Variants in TM6SF1 observed in about 807,000 individuals in gnomAD.
TM6SF1 encodes transmembrane 6 superfamily member 1.
A neutral mutation model predicts 47.1 loss-of-function variants in TM6SF1; 43 were observed. The ratio of observed to expected loss-of-function variants is 0.91; its 90% CI spans 0.72 to 1.18. TM6SF1 has a LOEUF of 1.18. TM6SF1 is among the 50% of genes most tolerant of loss of function. The pLI, the probability that TM6SF1 is intolerant of heterozygous loss-of-function variation, is 0.00. For synonymous variants in TM6SF1, 177 were observed against 166.3 expected (o/e 1.06, Z -0.49); for missense variants, 390 against 449.0 (o/e 0.87, Z 1.19).
intron 9 of TM6SF1, chr15:83,129,658 A>T (rs1388725763): frequency 2.0e-5 from 3 of 152,230 alleles, no homozygotes; most frequent in Admixed American, 2.0e-4. Context: ...GCAAACAATG[A>T]ACTATGGCAC....
At chr15:83,133,005 C>G (rs2036357791) in intron 9 of TM6SF1, 1 of 152,214 alleles carries the variant, frequency 6.6e-6, no homozygotes, top group African/African-American at 2.4e-5. Context: ...CAGTTTTGTA[C>G]TTGTGTCTAC....
Position 83,124,677 on chromosome 15 carries a change from TC to T in TM6SF1, c.610del (p.Gln204LysfsTer9), listed in dbSNP as rs779285038. 1.9e-6 allele frequency: 3 copies of T among 1,613,902 alleles called. No homozygotes were observed. Among genetic ancestry groups the T allele is most frequent in the Non-Finnish European group, 2.5e-6 (3 of 1,179,872 alleles). ...ENYNYPSKVI[Q>X]EAQAKDLLRR... ...AGGTACAAACTCTATTTTAGGTTAT[TC>T]AAGAAGCCCAAGCGAAAGACCTGCT... On this transcript the variant is annotated frameshift_variant, in exon 7 of 10. Coordinates refer to ENST00000322019, the MANE Select transcript of TM6SF1 (RefSeq NM_023003.5). LOFTEE classifies it high-confidence loss of function.
At chr15:83,135,015 G>T (rs1232715189) in intron 9 of TM6SF1, 1 of 152,182 alleles carries the variant, frequency 6.6e-6, no homozygotes, top group African/African-American at 2.4e-5. Context: ...TCTACCCAGG[G>T]GAGTTGTATC....
Position 83,122,006 on chromosome 15 carries a change from A to T in TM6SF1, c.481+3A>T. The T allele has an allele frequency of 6.2e-7, 1 of 1,605,818 alleles. No individual in the cohort carries two copies. The highest frequency in any genetic ancestry group is 8.5e-7 in the Non-Finnish European group (1 of 1,175,932). ...TTTTGTGCCAGGAAACATTGTAGGT[A>T]AGAAACTTTATCTTAAAGTTCACTT... On this transcript the variant is annotated splice_donor_region_variant and intron_variant, in intron 5 of 9. Coordinates refer to ENST00000322019, the MANE Select transcript of TM6SF1 (RefSeq NM_023003.5).
chr15:83,130,380 GC>G (rs1461230952), intron 9 of TM6SF1: 2 of 152,372 alleles, frequency 1.3e-5, no homozygotes, highest in Non-Finnish European at 2.9e-5. Flanking sequence ...CTACAGAGCA[GC>G]TGGCAGCCGC....
At chr15:83,126,238 G>A (rs1180184132) in intron 7 of TM6SF1, among the ~76,000 whole-genome samples, 1 of 152,136 alleles carries the variant, frequency 6.6e-6, no homozygotes, top group Non-Finnish European at 1.5e-5. Flanking sequence ...GTGACTCAGA[G>A]GGGACCTAGT....
chr15:83,109,852 C>A (rs2151330854), intron 1 of TM6SF1, among the ~76,000 whole-genome samples: 1 of 152,312 alleles, frequency 6.6e-6, no homozygotes, highest in South Asian at 2.1e-4. Flanking sequence ...GGGATGCTGC[C>A]TTCCTCCTAT....
chr15:83,127,772 T>G (rs2035899204), intron 9 of TM6SF1: 4 of 320,498 alleles, frequency 1.2e-5, no homozygotes, highest in African/African-American at 6.7e-5. Flanking sequence ...GTTGTTTTAT[T>G]GGACTGTTTC....
intron 7 of TM6SF1, 149 bp from the exon 8 acceptor site, chr15:83,126,606 T>C: frequency 5.0e-6 from 3 of 603,426 alleles, no homozygotes; most frequent in Non-Finnish European, 8.6e-6. Context: ...ATCTGCAAAA[T>C]ATTTCCATCA....
At chr15:83,127,572 G>C in intron 9 of TM6SF1, 95 bp downstream of exon 9, 1 of 1,381,160 alleles carries the variant, frequency 7.2e-7, no homozygotes, top group Non-Finnish European at 1.0e-6. Flanking sequence ...TTTAGACTAG[G>C]AGATAGCTAT....
rs144664208 is a variant in TM6SF1 at position 83,126,155 on chromosome 15, G to A, written c.709-600G>A. On this transcript the variant is annotated intron_variant, in intron 7 of 9. Coordinates refer to ENST00000322019, the MANE Select transcript of TM6SF1 (RefSeq NM_023003.5). Reference sequence around the variant, plus strand: ...TTTACCAACTCTGTCATTGGCCTGTGTTCATATATGCCATCTAGGTGGGAC... The same window carrying A: ...TTTACCAACTCTGTCATTGGCCTGTATTCATATATGCCATCTAGGTGGGAC... Among the ~76,000 whole-genome samples the A allele has an allele frequency of 7.9e-5, 12 of 152,242 alleles. No individual in the cohort carries two copies. The East Asian group carries it at 2.1e-3, about 27-fold the overall frequency.
At chr15:83,129,887 G>A (rs778376500) in intron 9 of TM6SF1, 1 of 152,232 alleles carries the variant, frequency 6.6e-6, no homozygotes, top group Non-Finnish European at 1.5e-5. Context: ...TGGTTCCTCT[G>A]CCTTATTCTC....
At chr15:83,136,451 T>C in intron 9 of TM6SF1, 30 bp from the exon 10 acceptor site, 3 of 1,546,276 alleles carry the variant, frequency 1.9e-6, no homozygotes, top group Non-Finnish European at 2.6e-6. Flanking sequence ...GTTTCATGCT[T>C]ACTCAATTTT....
chr15:83,109,101 T>G (rs2151329711), intron 1 of TM6SF1, among the ~76,000 whole-genome samples: 1 of 152,276 alleles, frequency 6.6e-6, no homozygotes, highest in East Asian at 1.9e-4. Flanking sequence ...AGGCAGGTAA[T>G]GAGATAGACA....
intron 5 of TM6SF1, 110 bp downstream of exon 5, chr15:83,122,113 T>C: frequency 3.4e-6 from 3 of 890,174 alleles, no homozygotes; most frequent in South Asian, 1.6e-5. Flanking sequence ...CCAAGCTTAC[T>C]AAAAACCTGT....
At chr15:83,122,085 T>A in intron 5 of TM6SF1, 82 bp downstream of exon 5, 1 of 1,097,018 alleles carries the variant, frequency 9.1e-7, no homozygotes, top group Non-Finnish European at 1.4e-6. Flanking sequence ...CTTTTAGTTA[T>A]AATAGAACCA....
At chr15:83,126,221 G>A (rs1432098091) in intron 7 of TM6SF1, among the ~76,000 whole-genome samples, 1 of 152,168 alleles carries the variant, frequency 6.6e-6, no homozygotes, top group Non-Finnish European at 1.5e-5. Flanking sequence ...TGCCTGAGGG[G>A]AGGAAGGTGA....
chr15:83,108,192 ATAC>A (rs2033839596), intron 1 of TM6SF1, among the ~76,000 whole-genome samples: 1 of 152,122 alleles, frequency 6.6e-6, no homozygotes. Context: ...GGACTTTCGC[ATAC>A]TTATCATTTC....
rs182897766 is a variant in TM6SF1, at chr15:83,126,959, G to A, written c.801+112G>A. On this transcript the variant is annotated intron_variant, in intron 8 of 9. Transcript: ENST00000322019. ...TGTAATCCCAGCACTTTGGGAGGCC[G>A]AGGCAGGTTGATCACGAGGTCAGGA... 3,888 of 767,314 alleles carry A rather than the reference G, an allele frequency of 5.1e-3. 29 individuals carry two copies. Among genetic ancestry groups the A allele is most frequent in the Non-Finnish European group, 5.4e-3 (2,583 of 477,566 alleles). The allele number at this position is 767,314 out of a possible 1,614,324, so 47.5% of individuals were successfully genotyped here.
Sources: allele counts gnomAD v4.1 joint callset (sites outside exome capture counted in the v4.1 genomes callset), GRCh38; gene constraint gnomAD v4.1.1; transcripts MANE v1.5; gene names NCBI Gene and HGNC (gene_info 2026-07-23, HGNC 2026-07-21).